The following ZNF804A variants were observed in gnomAD, a reference collection of about 807,000 sequenced individuals.
The protein encoded by ZNF804A is zinc finger protein 804A.
A neutral mutation model predicts 16.5 loss-of-function variants in ZNF804A; 2 were observed. The ratio of observed to expected loss-of-function variants is 0.12; its 90% CI spans 0.05 to 0.38. The LOEUF (loss-of-function observed/expected upper bound fraction) is 0.38, where lower values mean the gene tolerates loss of function less well. Ranked by LOEUF, ZNF804A falls within the 10% of genes least tolerant of loss-of-function variation. The pLI is 0.99. For synonymous variants in ZNF804A, 534 were observed against 489.6 expected (o/e 1.09, Z -1.20); for missense variants, 1,473 against 1,390.7 (o/e 1.06, Z -0.94).
At chr2:184,714,418 G>A (rs1693182324) in intron 1 of ZNF804A, among the ~76,000 whole-genome samples, 2 of 152,004 alleles carry the variant, frequency 1.3e-5, no homozygotes, top group South Asian at 4.1e-4. Context: ...CTAAAGTTTA[G>A]AATTGTTATA....
rs182351078 is a variant in ZNF804A, at chr2:184,834,298, T to C, written c.112-32071T>C. ...CAAGCTGGCTTCTATGAAGTTCTGA[T>C]ATGTACCATCATTCTTCACATATTT... On this transcript the variant is annotated intron_variant, in intron 1 of 3. Transcript: ENST00000302277. Among the ~76,000 whole-genome samples the C allele has an allele frequency of 6.1e-4, 93 of 152,206 alleles. 1 individual carries two copies. Among genetic ancestry groups the C allele is most frequent in the Admixed American group, 5.8e-3 (89 of 15,268 alleles).
chr2:184,606,749 C>T lies in ZNF804A; in HGVS notation c.111+7679C>T, dbSNP rs74621345. Among the ~76,000 whole-genome samples the T allele has an allele frequency of 1.2e-4, 18 of 152,162 alleles. No homozygotes were observed. The East Asian group carries it at 3.5e-3, about 29-fold the overall frequency. ...AACAACTCCTACCTGAGTTTCCAGC[C>T]TGTAGGACCTGCCTTCACATTTAAG... On this transcript the variant is annotated intron_variant, in intron 1 of 3. Transcript: ENST00000302277.
chr2:184,742,723 G>GATAA (rs1693727018), intron 1 of ZNF804A, among the ~76,000 whole-genome samples: 2 of 150,894 alleles, frequency 1.3e-5, no homozygotes, highest in African/African-American at 4.9e-5. Flanking sequence ...ATAGAAAATA[G>GATAA]ATAAATAAAT....
At chr2:184,675,036 G>A (rs1199336430) in intron 1 of ZNF804A, among the ~76,000 whole-genome samples, 1 of 151,622 alleles carries the variant, frequency 6.6e-6, no homozygotes, top group Admixed American at 6.6e-5. Context: ...ATACGTATGT[G>A]CGTGAACATG....
chr2:184,907,016 C>T (rs896063815), intron 2 of ZNF804A, among the ~76,000 whole-genome samples: 2 of 152,116 alleles, frequency 1.3e-5, no homozygotes, highest in African/African-American at 4.8e-5. Flanking sequence ...CTCAGACCTC[C>T]AGCCATGAAG....
intron 1 of ZNF804A, among the ~76,000 whole-genome samples, chr2:184,601,530 T>C (rs1691046569): frequency 6.6e-6 from 1 of 151,990 alleles, no homozygotes; most frequent in African/African-American, 2.4e-5. Context: ...CTTATCATGG[T>C]TTTACAGTTT....
chr2:184,861,303 A>G lies in ZNF804A; in HGVS notation c.112-5066A>G, dbSNP rs563147463. Among the ~76,000 whole-genome samples the G allele has an allele frequency of 3.3e-5, 5 of 152,252 alleles. No individual in the cohort carries two copies. The East Asian group carries it at 7.7e-4, about 24-fold the overall frequency. ...AATACTATCTTTCCTACATTCTTCA[A>G]TGGGTATTTTCTTATTTCTGCACTA... is the stretch of plus-strand genomic sequence containing the variant. On this transcript the variant is annotated intron_variant, in intron 1 of 3. Transcript: ENST00000302277.
At chr2:184,612,044 C>G (rs1160603270) in intron 1 of ZNF804A, among the ~76,000 whole-genome samples, 1 of 152,012 alleles carries the variant, frequency 6.6e-6, no homozygotes, top group Non-Finnish European at 1.5e-5. Context: ...TTTTATGATT[C>G]TTAATACCTA....
intron 1 of ZNF804A, among the ~76,000 whole-genome samples, chr2:184,635,263 A>C (rs971962561): frequency 2.6e-5 from 4 of 152,148 alleles, no homozygotes; most frequent in African/African-American, 9.7e-5. Flanking sequence ...TTGTTTTTCT[A>C]ACACCATAAA....
At chr2:184,633,020 AC>A (rs1158609851) in intron 1 of ZNF804A, among the ~76,000 whole-genome samples, 4 of 152,150 alleles carry the variant, frequency 2.6e-5, no homozygotes, top group African/African-American at 7.2e-5. Context: ...GGCTTTGCTT[AC>A]CAAAACATTT....
chr2:184,729,296 A>G (rs543843041), intron 1 of ZNF804A, among the ~76,000 whole-genome samples: 84 of 152,026 alleles, frequency 5.5e-4, no homozygotes, highest in African/African-American at 2.0e-3. Flanking sequence ...AAATATATAC[A>G]ATTTTTACTT....
At chr2:184,926,165 T>C (rs2105839126) in intron 2 of ZNF804A, among the ~76,000 whole-genome samples, 1 of 152,266 alleles carries the variant, frequency 6.6e-6, no homozygotes, top group South Asian at 2.1e-4. Context: ...GCACTCCCTT[T>C]AACATTTCTT....
In ZNF804A at chr2:184,604,146, C is replaced by CTTTTTTTTTTT; in HGVS notation, c.111+5107_111+5117dup. On this transcript the variant is annotated intron_variant, in intron 1 of 3. Transcript: ENST00000302277. ...TTCAGGTTATGGATGACTGCAATTA[C>CTTTTTTTTTTT]TTTTTTTTTTTTTTTTTTTTTTTTT... Among the ~76,000 whole-genome samples the CTTTTTTTTTTT allele has an allele frequency of 2.4e-3, 106 of 44,892 alleles. 32 individuals carry two copies. Among genetic ancestry groups the CTTTTTTTTTTT allele is most frequent in the Non-Finnish European group, 3.1e-3 (70 of 22,814 alleles). The allele number at this position is 44,892 out of a possible 152,430, so 29.5% of individuals were successfully genotyped here.
At chr2:184,754,835 A>T (rs1693934936) in intron 1 of ZNF804A, among the ~76,000 whole-genome samples, 5 of 151,864 alleles carry the variant, frequency 3.3e-5, no homozygotes, top group Admixed American at 3.3e-4. Flanking sequence ...AAATAGTCTA[A>T]GGAAATGTAC....
At chr2:184,780,559 G>T (rs1289892773) in intron 1 of ZNF804A, among the ~76,000 whole-genome samples, 1 of 151,626 alleles carries the variant, frequency 6.6e-6, no homozygotes, top group Non-Finnish European at 1.5e-5. Flanking sequence ...GGAGGTACAT[G>T]AAATGAAACA....
intron 1 of ZNF804A, among the ~76,000 whole-genome samples, chr2:184,741,551 C>A (rs1445639806): frequency 6.6e-6 from 1 of 152,068 alleles, no homozygotes; most frequent in African/African-American, 2.4e-5. Context: ...TCTGGCATGA[C>A]CCCTAGCTAA....
chr2:184,812,616 T>A lies in ZNF804A; in HGVS notation c.112-53753T>A, dbSNP rs1332917395. Among the ~76,000 whole-genome samples the A allele has an allele frequency of 2.6e-5, 4 of 152,200 alleles. No homozygotes were observed. The South Asian group carries it at 8.3e-4, about 32-fold the overall frequency. On this transcript the variant is annotated intron_variant, in intron 1 of 3. Transcript: ENST00000302277. ...ATGAAAGGAAAAAAGGGGACAAAAT[T>A]CCTATAAGTATCATTTACAATAGGG...
chr2:184,727,222 A>G (rs1693427572), intron 1 of ZNF804A, among the ~76,000 whole-genome samples: 1 of 151,586 alleles, frequency 6.6e-6, no homozygotes, highest in Admixed American at 6.6e-5. Flanking sequence ...ATAAAATACC[A>G]CATTAACCTT....
intron 2 of ZNF804A, among the ~76,000 whole-genome samples, chr2:184,932,318 A>G (rs1409841975): frequency 2.0e-5 from 3 of 152,178 alleles, no homozygotes; most frequent in Admixed American, 6.5e-5. Context: ...TGGGTAATGT[A>G]TAAAGGAAAG....
Sources: gnomAD v4.1 joint callset for allele counts (sites outside exome capture counted in the v4.1 genomes callset) on GRCh38, gnomAD v4.1.1 for gene constraint, MANE v1.5 for transcripts, NCBI Gene and HGNC (gene_info 2026-07-23, HGNC 2026-07-21) for gene names.